Variants in SECISBP2 observed in about 807,000 individuals in gnomAD.
SECISBP2 encodes selenocysteine insertion sequence-binding protein 2.
SECISBP2 carries 96 observed loss-of-function variants against 98.2 expected under a neutral mutation model. The ratio of observed to expected loss-of-function variants is 0.98; its 90% CI spans 0.83 to 1.16. The LOEUF is 1.16. Ranked by LOEUF, SECISBP2 falls within the 50% of genes most tolerant of loss-of-function variation. SECISBP2 has a pLI of 0.00. For synonymous variants in SECISBP2, 407 were observed against 370.2 expected, an observed-to-expected ratio of 1.10 and a Z score of -1.14; for missense variants, 1,046 against 1,022.9, an observed-to-expected ratio of 1.02 and a Z score of -0.31.
downstream of SECISBP2, among the ~76,000 whole-genome samples, chr9:89,363,085 C>T (rs545275735): frequency 1.3e-3 from 196 of 152,270 alleles, 2 homozygotes; most frequent in African/African-American, 4.5e-3. Flanking sequence ...GGTTTCCTGC[C>T]CTCCTCAAAG....
chr9:89,357,465 T>C lies in SECISBP2; in HGVS notation c.2168T>C (p.Ile723Thr). The change falls in exon 15 of 17, where the codon ATT becomes ACT. Residue 723 changes from isoleucine to threonine, a missense_variant. Physicochemically the swap from Ile to Thr is moderately conservative, Grantham distance 89. Coordinates refer to ENST00000375807, the MANE Select transcript of SECISBP2 (RefSeq NM_024077.5). ...TIIDYACEQNIPFVFALNRKA... is the reference protein window; with the variant it reads ...TIIDYACEQNTPFVFALNRKA... ...ATTGATTATGCCTGTGAGCAGAACA[T>C]TCCCTTTGTGTTTGCTCTCAACCGC... 2 of 1,614,184 alleles carry C rather than the reference T, an allele frequency of 1.2e-6. No individual in the cohort carries two copies. The highest frequency in any genetic ancestry group is 1.7e-6 in the Non-Finnish European group (2 of 1,180,018).
In SECISBP2 at chr9:89,328,641, T is replaced by G. The variant is rs1827188097; in HGVS notation, c.575-19T>G. 1.9e-6 allele frequency: 3 copies of G among 1,605,864 alleles called. No individual in the cohort carries two copies. In the African/African-American group the frequency reaches 4.0e-5, roughly 22 times the overall value. ...CAGTAACTAAATTTTTACTCTTACT[T>G]TTAATTTTGTAATTACAGATGGTTA... On this transcript the variant is annotated intron_variant, in intron 4 of 16. Coordinates refer to ENST00000375807, the MANE Select transcript of SECISBP2 (RefSeq NM_024077.5).
At chr9:89,331,014 A>G (rs1316657997) in intron 5 of SECISBP2, among the ~76,000 whole-genome samples, 1 of 152,232 alleles carries the variant, frequency 6.6e-6, no homozygotes, top group Non-Finnish European at 1.5e-5. Context: ...GGCTTTTTAA[A>G]AAGTTATTTT....
At position 89,339,914 on chromosome 9, in the gene SECISBP2, A is replaced by G; in HGVS notation, c.1263A>G (p.Arg421=). ...CAGTTGCATCTGAAAGAAGAGACAG[A>G]ATAGAGACACCGAAATTTCAATCTA... ...NLAVASERRD[R]IETPKFQSKQ... is the part of the protein sequence containing the mutation. The change falls in exon 9 of 17, where the codon AGA becomes AGG. Residue 421 remains arginine, a synonymous_variant. Transcript: ENST00000375807. 5 of 1,613,856 alleles carry G rather than the reference A, an allele frequency of 3.1e-6. No individual in the cohort carries two copies. The highest frequency in any genetic ancestry group is 4.2e-6 in the Non-Finnish European group (5 of 1,179,818).
At chr9:89,349,737 C>T (rs774562383) in intron 12 of SECISBP2, 39 bp from the exon 13 acceptor site, 17 of 1,611,968 alleles carry the variant, frequency 1.1e-5, no homozygotes, top group South Asian at 2.2e-5. Flanking sequence ...GTGCACTGGG[C>T]CTCACAGATA....
At chr9:89,333,100 G>T in intron 6 of SECISBP2, 114 bp downstream of exon 6, 1 of 859,208 alleles carries the variant, frequency 1.2e-6, no homozygotes, top group Non-Finnish European at 1.9e-6. Flanking sequence ...GACAGCTAAT[G>T]AATTGTGGGT....
rs763144937 is a variant in SECISBP2, at chr9:89,338,516, AAAAG to A, written c.1156_1159del (p.Glu386AsnfsTer9). On this transcript the variant is annotated frameshift_variant, in exon 8 of 17. Transcript: ENST00000375807. LOFTEE classifies it high-confidence loss of function. ...AATGAAGCCTCAAGAAAGAATAAGA[AAAAG>A]AAAGAAAAATCTACATCAAAATATG... The A allele has an allele frequency of 1.7e-5, 27 of 1,613,336 alleles. No homozygotes were observed. The highest frequency in any genetic ancestry group is 2.2e-5 in the South Asian group (2 of 90,954).
Position 89,325,878 on chromosome 9 carries a change from T to G in SECISBP2, c.433-19T>G, listed in dbSNP as rs1018803996. 37 of 1,613,508 alleles carry G rather than the reference T, an allele frequency of 2.3e-5. No individual in the cohort carries two copies. Among genetic ancestry groups the G allele is most frequent in the Non-Finnish European group, 3.1e-5 (37 of 1,179,962 alleles). On this transcript the variant is annotated intron_variant, in intron 3 of 16. Transcript: ENST00000375807. Reference sequence around the variant, plus strand: ...TAGTGGTGGTTTTATTTCATGTTGCTTTTTAATCTTTCCTGCAGAAGAAAA... The same window carrying G: ...TAGTGGTGGTTTTATTTCATGTTGCGTTTTAATCTTTCCTGCAGAAGAAAA...
intron 6 of SECISBP2, among the ~76,000 whole-genome samples, chr9:89,333,841 T>C (rs1320674140): frequency 2.0e-5 from 3 of 152,252 alleles, no homozygotes; most frequent in African/African-American, 7.2e-5. Context: ...GTGTTTTCTT[T>C]TGTGTTCTCA....
chr9:89,362,545 G>T (rs1257773898), downstream of SECISBP2: 8 of 1,570,922 alleles, frequency 5.1e-6, no homozygotes, highest in Non-Finnish European at 7.0e-6. Context: ...TCAGCCCCCT[G>T]TTGTGGTTCC....
chr9:89,336,080 GCTTTTTTT>G (rs1828628061), intron 7 of SECISBP2, among the ~76,000 whole-genome samples: 1 of 44,550 alleles, frequency 2.2e-5, no homozygotes, highest in Non-Finnish European at 4.6e-5. Flanking sequence ...AATTTTAAGT[GCTTTTTTT>G]TTTTTTTTTT....
At chr9:89,360,388 A>T (rs1401374719), downstream of SECISBP2, among the ~76,000 whole-genome samples, 1 of 152,248 alleles carries the variant, frequency 6.6e-6, no homozygotes, top group East Asian at 1.9e-4. Context: ...GTGGGCAAAA[A>T]GACAAAATAG....
chr9:89,358,009 A>C lies in SECISBP2; in HGVS notation c.2279A>C (p.His760Pro). ...FSYDGAQDQF[H>P]KMVELTVAAR... ...TCACTTGTGCCCAAGGATCAGTTCC[A>C]CAAGATGGTTGAGCTGACAGTGGCG... is the stretch of plus-strand genomic sequence containing the variant. The change falls in exon 16 of 17, where the codon CAC becomes CCC. Residue 760 changes from histidine to proline, a missense_variant. Transcript: ENST00000375807. The C allele has an allele frequency of 6.2e-7, 1 of 1,613,096 alleles. No individual in the cohort carries two copies. Among genetic ancestry groups the C allele is most frequent in the African/African-American group, 1.3e-5 (1 of 75,030 alleles).
rs1049985579 is a variant in SECISBP2, at chr9:89,339,795, G to A, written c.1213-69G>A. The A allele has an allele frequency of 1.3e-5, 14 of 1,076,550 alleles. No homozygotes were observed. The Admixed American group carries it at 2.2e-4, about 17-fold the overall frequency. 66.7% of individuals were successfully genotyped at this position (1,076,550 alleles called of 1,614,324 possible). A position where few individuals can be genotyped will look rare whatever the true frequency, so the allele number is the denominator to read the frequency against. ...ACCTTACTGAAGAATGAAAATATAAGCAAGGAAAAGGTTGCACTTGGCATG... is the reference window on the plus strand; with the variant it reads ...ACCTTACTGAAGAATGAAAATATAAACAAGGAAAAGGTTGCACTTGGCATG... On this transcript the variant is annotated intron_variant, in intron 8 of 16. Transcript: ENST00000375807.
chr9:89,363,222 G>A (rs1433582658), downstream of SECISBP2, among the ~76,000 whole-genome samples: 1 of 152,206 alleles, frequency 6.6e-6, no homozygotes, highest in African/African-American at 2.4e-5. Context: ...GCTGGGGCCA[G>A]ATGCCCCTTG....
chr9:89,355,500 A>T (rs1831923367), intron 14 of SECISBP2: 2 of 959,010 alleles, frequency 2.1e-6, no homozygotes, highest in Non-Finnish European at 2.5e-6. Context: ...TGGGATGTTG[A>T]CCTCTTTTAG....
downstream of SECISBP2, chr9:89,363,516 G>C (rs1315651063): frequency 6.2e-7 from 1 of 1,613,928 alleles, no homozygotes; most frequent in African/African-American, 1.3e-5. Flanking sequence ...CACCTCTCCT[G>C]GTGGGTCACT....
At chr9:89,319,111 T>C (rs560739272) in intron 1 of SECISBP2, 12 of 925,904 alleles carry the variant, frequency 1.3e-5, no homozygotes, top group Middle Eastern at 5.5e-4. Context: ...AAAGAAATCT[T>C]AGTGAATTGA....
downstream of SECISBP2, chr9:89,364,391 G>A (rs1397474881): frequency 4.8e-5 from 13 of 270,524 alleles, no homozygotes; most frequent in Non-Finnish European, 9.6e-5. Context: ...CCCAGAGCTC[G>A]GCCAGCTGTG....
Sources: gnomAD v4.1 joint callset for allele counts (sites outside exome capture counted in the v4.1 genomes callset) on GRCh38, gnomAD v4.1.1 for gene constraint, MANE v1.5 for transcripts, NCBI Gene and HGNC (gene_info 2026-07-23, HGNC 2026-07-21) for gene names.